Variants in MYCBP2 observed in about 807,000 individuals in gnomAD.
The protein encoded by MYCBP2 is MYC binding protein 2.
A neutral mutation model predicts 525.3 loss-of-function variants in MYCBP2; 120 were observed. The observed-to-expected ratio is 0.23, with a 90% CI of 0.20 to 0.27. The LOEUF is 0.27. MYCBP2 is among the 10% of genes least tolerant of loss of function. The probability of loss-of-function intolerance (pLI) is 1.00; values close to 1 mark genes in which losing one functional copy is unlikely to be tolerated. For missense variants in MYCBP2, 4,149 were observed against 5,657.1 expected (o/e 0.73, Z 8.55); for synonymous variants, 1,894 against 1,955.8 (o/e 0.97, Z 0.83).
At chr13:77,118,639 C>A in intron 55 of MYCBP2, 3 of 549,802 alleles carry the variant, frequency 5.5e-6, no homozygotes, top group Non-Finnish European at 6.5e-6. Flanking sequence ...AAATTGGTGA[C>A]TGTTAATCAT....
intron 1 of MYCBP2, among the ~76,000 whole-genome samples, chr13:77,319,083 TG>T (rs2081292566): frequency 2.0e-5 from 3 of 152,188 alleles, no homozygotes; most frequent in Admixed American, 2.0e-4. Flanking sequence ...GGTGGTGCTT[TG>T]GGGTGCCTTG....
intron 4 of MYCBP2, among the ~76,000 whole-genome samples, chr13:77,276,320 T>C (rs926921541): frequency 3.9e-5 from 6 of 151,978 alleles, no homozygotes; most frequent in Non-Finnish European, 8.8e-5. Flanking sequence ...CATATTTTCA[T>C]GAATAACACG....
At chr13:77,316,372 T>G (rs529050527) in intron 1 of MYCBP2, among the ~76,000 whole-genome samples, 1 of 152,252 alleles carries the variant, frequency 6.6e-6, no homozygotes, top group Admixed American at 6.5e-5. Flanking sequence ...CCAAGAATGA[T>G]CCATCACCTA....
chr13:77,153,108 C>T (rs1042765205), intron 46 of MYCBP2, among the ~76,000 whole-genome samples: 1 of 150,302 alleles, frequency 6.7e-6, no homozygotes, highest in Admixed American at 6.6e-5. Context: ...TTCACGCATT[C>T]ATCGCGTTTC....
intron 1 of MYCBP2, among the ~76,000 whole-genome samples, chr13:77,321,162 A>AC (rs1336623527): frequency 2.0e-5 from 3 of 152,260 alleles, no homozygotes; most frequent in African/African-American, 7.2e-5. Context: ...AAAAAGTGAG[A>AC]CTATTCTGTT....
At chr13:77,161,882 T>C (rs1333990592) in intron 44 of MYCBP2, 24 bp downstream of exon 44, 2 of 1,581,776 alleles carry the variant, frequency 1.3e-6, no homozygotes, top group African/African-American at 1.4e-5. Context: ...ACAAAGTTTA[T>C]CCTTAAAACA....
rs906496281 is a variant in MYCBP2, at chr13:77,206,210, C to T, written c.3589+443G>A. Among the ~76,000 whole-genome samples the T allele has an allele frequency of 7.9e-5, 12 of 151,712 alleles. No homozygotes were observed. In the East Asian group the frequency reaches 2.1e-3, roughly 27 times the overall value. On this transcript the variant is annotated intron_variant, in intron 24 of 82. Coordinates refer to ENST00000544440, the MANE Select transcript of MYCBP2 (RefSeq NM_015057.5). Reference sequence around the variant, plus strand: ...TCTCAAAGTAATTAAATAAGTACTACATCTCAAAGTAATTAAATAAGAATG... The same window carrying T: ...TCTCAAAGTAATTAAATAAGTACTATATCTCAAAGTAATTAAATAAGAATG...
At chr13:77,203,104 T>C (rs1003488494) in intron 26 of MYCBP2, among the ~76,000 whole-genome samples, 6 of 152,052 alleles carry the variant, frequency 3.9e-5, no homozygotes, top group African/African-American at 1.2e-4. Context: ...GAAGTCAAAT[T>C]GTCCCTGTTT....
chr13:77,135,237 C>T (rs1229638956), intron 52 of MYCBP2, among the ~76,000 whole-genome samples: 1 of 152,158 alleles, frequency 6.6e-6, no homozygotes, highest in African/African-American at 2.4e-5. Flanking sequence ...TCATATCTCC[C>T]AGCTTTCATT....
chr13:77,160,698 A>G (rs761049732), intron 44 of MYCBP2, among the ~76,000 whole-genome samples: 1 of 152,236 alleles, frequency 6.6e-6, no homozygotes, highest in Non-Finnish European at 1.5e-5. Context: ...GATATTATTT[A>G]AATCACTATT....
At chr13:77,062,836 C>T (rs2039546144) in intron 73 of MYCBP2, 139 bp from the exon 74 acceptor site, 3 of 658,322 alleles carry the variant, frequency 4.6e-6, no homozygotes, top group Non-Finnish European at 8.0e-6. Flanking sequence ...TCAAGTCTTC[C>T]TGATGTGGTA....
intron 3 of MYCBP2, among the ~76,000 whole-genome samples, chr13:77,280,305 A>C (rs1362847546): frequency 1.3e-5 from 2 of 152,220 alleles, no homozygotes; most frequent in African/African-American, 4.8e-5. Context: ...GTTTCAATTG[A>C]TTAAACACAT....
intron 20 of MYCBP2, among the ~76,000 whole-genome samples, chr13:77,221,631 C>T (rs1830783623): frequency 6.6e-6 from 1 of 152,202 alleles, no homozygotes; most frequent in Non-Finnish European, 1.5e-5. Flanking sequence ...CCCATCTTAT[C>T]TAACTGCAAT....
intron 46 of MYCBP2, 35 bp downstream of exon 46, chr13:77,156,023 A>G: frequency 6.3e-7 from 1 of 1,598,328 alleles, no homozygotes; most frequent in Non-Finnish European, 8.5e-7. Flanking sequence ...CAGCCAGTAT[A>G]TAGATGTCTG....
rs779335438 is a variant in MYCBP2 at position 77,168,548 on chromosome 13, C to T, written c.5994G>A (p.Ser1998=). The change falls in exon 40 of 83, where the codon TCG becomes TCA. Residue 1998 remains serine (S), a synonymous_variant. Transcript: ENST00000544440. The part of the protein sequence containing the change: ...YAPPAFNPNQ[S]TDSTTGNQPE... ...GCTGGTTTCCTGTGGTGCTATCTGTCGACTGATTAGGGTTGAAGGCAGGCG... is the reference window on the plus strand; with the variant it reads ...GCTGGTTTCCTGTGGTGCTATCTGTTGACTGATTAGGGTTGAAGGCAGGCG... 2.5e-6 allele frequency: 4 copies of T among 1,613,914 alleles called. No individual in the cohort carries two copies. Among genetic ancestry groups the T allele is most frequent in the Admixed American group, 1.7e-5 (1 of 59,996 alleles).
chr13:77,190,030 G>A (rs2061146703), intron 29 of MYCBP2, among the ~76,000 whole-genome samples: 1 of 152,066 alleles, frequency 6.6e-6, no homozygotes. Flanking sequence ...CAGATAATCT[G>A]AGTAATCAGG....
At chr13:77,082,921 T>C in intron 63 of MYCBP2, 111 bp downstream of exon 63, 2 of 1,023,660 alleles carry the variant, frequency 2.0e-6, no homozygotes, top group Non-Finnish European at 2.8e-6. Context: ...CTATATAATG[T>C]AGGGATTCTA....
intron 26 of MYCBP2, among the ~76,000 whole-genome samples, chr13:77,201,713 C>T (rs908717449): frequency 1.3e-5 from 2 of 151,954 alleles, no homozygotes; most frequent in Admixed American, 6.6e-5. Flanking sequence ...ACAGTGCAAT[C>T]AAACTAGAAC....
chr13:77,240,774 C>G (rs562535089), intron 17 of MYCBP2, among the ~76,000 whole-genome samples: 1 of 152,246 alleles, frequency 6.6e-6, no homozygotes, highest in African/African-American at 2.4e-5. Flanking sequence ...CCAATGTGCA[C>G]ACATTTCTGT....
Sources: gnomAD v4.1 joint callset for allele counts (sites outside exome capture counted in the v4.1 genomes callset) on GRCh38, gnomAD v4.1.1 for gene constraint, MANE v1.5 for transcripts, NCBI Gene and HGNC (gene_info 2026-07-23, HGNC 2026-07-21) for gene names.